MFAP5: variants seen among roughly 807,000 people sequenced by gnomAD.
MFAP5 encodes the protein microfibril associated protein 5.
MFAP5 carries 19 observed loss-of-function variants against 30.1 expected under a neutral mutation model. That is an observed-to-expected ratio of 0.63 (90% CI 0.44 to 0.93). The LOEUF (loss-of-function observed/expected upper bound fraction) is 0.93, where lower values mean the gene tolerates loss of function less well. Ranked by LOEUF, MFAP5 falls within the 40% of genes least tolerant of loss-of-function variation. The pLI, the probability that MFAP5 is intolerant of heterozygous loss-of-function variation, is 0.00. For synonymous variants in MFAP5, 92 were observed against 72.9 expected, an observed-to-expected ratio of 1.26 and a Z score of -1.33; for missense variants, 210 against 221.3, an observed-to-expected ratio of 0.95 and a Z score of 0.32.
At chr12:8,649,686 A>G in intron 8 of MFAP5, 112 bp from the exon 9 acceptor site, 1 of 758,770 alleles carries the variant, frequency 1.3e-6, no homozygotes, top group Non-Finnish European at 2.2e-6. Flanking sequence ...CACTTTCCCT[A>G]TCTGCTTTTC....
intron 8 of MFAP5, 199 bp downstream of exon 8, chr12:8,650,303 T>C (rs1402299105): frequency 8.8e-6 from 5 of 570,266 alleles, no homozygotes; most frequent in South Asian, 2.1e-5. Context: ...TTCTAAGTTC[T>C]ATTACTCTGC....
rs1942194474 is a variant in MFAP5, at chr12:8,662,760, C to G, written c.-136G>C. 6.6e-6 allele frequency: 1 copy of G among 152,312 alleles called. No individual in the cohort carries two copies. Among genetic ancestry groups the G allele is most frequent in the African/African-American group, 2.4e-5 (1 of 41,406 alleles). The allele number at this position is 152,312 out of a possible 1,614,324, so 9.4% of individuals were successfully genotyped here. A position where few individuals can be genotyped will look rare whatever the true frequency, so the allele number is the denominator to read the frequency against. ...CCCTGGAAAGGACTTCAGATTTGGC[C>G]TCCGCTGAAACAATGAGATGAGGGA... On this transcript the variant is annotated 5_prime_UTR_variant, in exon 1 of 10. Transcript: ENST00000359478.
chr12:8,661,211 C>G (rs1942141228), intron 2 of MFAP5, among the ~76,000 whole-genome samples: 1 of 152,202 alleles, frequency 6.6e-6, no homozygotes, highest in South Asian at 2.1e-4. Context: ...TGAAGTCCAG[C>G]TCCACTGAGA....
At chr12:8,656,668 A>ATATATTTTTTT (rs1174790172) in intron 3 of MFAP5, among the ~76,000 whole-genome samples, 1 of 118,802 alleles carries the variant, frequency 8.4e-6, no homozygotes, top group Non-Finnish European at 1.7e-5. Context: ...ATATATATAT[A>ATATATTTTTTT]TTTTTTTTTT....
intron 2 of MFAP5, among the ~76,000 whole-genome samples, chr12:8,661,275 A>G (rs949375015): frequency 6.6e-6 from 1 of 152,138 alleles, no homozygotes; most frequent in African/African-American, 2.4e-5. Flanking sequence ...GCTAGTGAAC[A>G]AGACAGAAGA....
At position 8,662,182 on chromosome 12, in the gene MFAP5, C is replaced by T. The variant is rs1364661525; in HGVS notation, c.-2-76G>A. The T allele has an allele frequency of 7.0e-5, 85 of 1,221,654 alleles. No individual in the cohort carries two copies. The Admixed American group carries it at 1.2e-3, about 18-fold the overall frequency. 75.7% of individuals were successfully genotyped at this position (1,221,654 alleles called of 1,614,324 possible). ...GCATTTCAGTGCCAGGGAAAGATGCCTCTGAGGTCCCTGTCTCTTTGTCTT... is the reference window on the plus strand; with the variant it reads ...GCATTTCAGTGCCAGGGAAAGATGCTTCTGAGGTCCCTGTCTCTTTGTCTT... On this transcript the variant is annotated intron_variant, in intron 1 of 9. Transcript: ENST00000359478.
rs754032531 is a variant in MFAP5 at position 8,655,769 on chromosome 12, AC to A, written c.139+16del. The A allele has an allele frequency of 7.3e-7, 1 of 1,376,466 alleles. No homozygotes were observed. Among genetic ancestry groups the A allele is most frequent in the Non-Finnish European group, 1.0e-6 (1 of 1,000,642 alleles). 85.3% of individuals were successfully genotyped at this position (1,376,466 alleles called of 1,614,324 possible). A position where few individuals can be genotyped will look rare whatever the true frequency, so the allele number is the denominator to read the frequency against. On this transcript the variant is annotated intron_variant, in intron 4 of 9. Coordinates refer to ENST00000359478, the MANE Select transcript of MFAP5 (RefSeq NM_003480.4). Reference sequence around the variant, plus strand: ...AATAAAACAGCAAACAAACAAACAAACAAAAGTGTAGCTTACTAGGATCTTC... The same window carrying A: ...AATAAAACAGCAAACAAACAAACAAAAAAAGTGTAGCTTACTAGGATCTTC...
At chr12:8,658,569 C>T (rs144538781) in intron 3 of MFAP5, 248 of 152,224 alleles carry the variant, frequency 1.6e-3, no homozygotes, top group African/African-American at 5.6e-3. Flanking sequence ...GAGCCTCTCC[C>T]GGGTGTAGCC....
In MFAP5 at chr12:8,658,304, C is replaced by A. The variant is rs766786226; in HGVS notation, c.95-2474G>T. Among the ~76,000 whole-genome samples the A allele has an allele frequency of 2.6e-5, 4 of 152,204 alleles. No homozygotes were observed. The East Asian group carries it at 7.7e-4, about 29-fold the overall frequency. The stretch of plus-strand genomic sequence containing the variant: ...GGCGGAGGTTGCAGTGAGCTGAGAT[C>A]TTGCCACTGCACTCCAGCCTGGGAC... On this transcript the variant is annotated intron_variant, in intron 3 of 9. Transcript: ENST00000359478.
chr12:8,660,106 A>G (rs1942105094), intron 3 of MFAP5, among the ~76,000 whole-genome samples: 1 of 152,192 alleles, frequency 6.6e-6, no homozygotes, highest in Non-Finnish European at 1.5e-5. Context: ...TTACCTAAAA[A>G]GCTGAAAAAC....
chr12:8,660,866 C>T lies in MFAP5; in HGVS notation c.91G>A (p.Gly31Arg), dbSNP rs752193471. The change falls in exon 3 of 10, where the codon GGA (glycine) becomes AGA (arginine). Residue 31 changes from glycine to arginine, a missense_variant. Transcript: ENST00000359478. ...WIPLGVNSQR[G>R]DDVTQATPET... is the part of the protein sequence containing the mutation. Reference sequence around the variant, plus strand: ...CGCTATCCAAGGGTTCACCTACCTCCTCGTTGACTATTGACCCCCAGGGGT... The same window carrying T: ...CGCTATCCAAGGGTTCACCTACCTCTTCGTTGACTATTGACCCCCAGGGGT... 8 of 1,612,444 alleles carry T rather than the reference C, an allele frequency of 5.0e-6. No individual in the cohort carries two copies. Among genetic ancestry groups the T allele is most frequent in the Non-Finnish European group, 6.8e-6 (8 of 1,178,768 alleles).
chr12:8,661,908 C>T (rs1036883781), intron 2 of MFAP5, 139 bp downstream of exon 2: 1 of 866,382 alleles, frequency 1.2e-6, no homozygotes. Context: ...AAAATCTGTT[C>T]TTCTAATAGG....
chr12:8,649,454 C>T (rs1941770411), intron 9 of MFAP5, 47 bp downstream of exon 9: 3 of 1,549,654 alleles, frequency 1.9e-6, no homozygotes. Context: ...CCTATCTACC[C>T]TTCTCATAAC....
intron 4 of MFAP5, 106 bp from the exon 5 acceptor site, chr12:8,655,553 T>G: frequency 8.2e-7 from 1 of 1,214,214 alleles, no homozygotes; most frequent in Non-Finnish European, 1.2e-6. Flanking sequence ...AAGGCTGAAG[T>G]GAAAGCCTGT....
At chr12:8,654,631 A>G (rs965127666) in intron 5 of MFAP5, 150 bp from the exon 6 acceptor site, 4 of 652,870 alleles carry the variant, frequency 6.1e-6, no homozygotes, top group African/African-American at 3.7e-5. Context: ...TTAATTAAAT[A>G]ATTATAAATT....
chr12:8,656,079 G>C (rs1029994012), intron 3 of MFAP5, among the ~76,000 whole-genome samples: 1 of 53,550 alleles, frequency 1.9e-5, no homozygotes, highest in Non-Finnish European at 3.8e-5. Context: ...TTTTTTTTTT[G>C]AGACGGAGTC....
At position 8,655,825 on chromosome 12, in the gene MFAP5, C is replaced by T; in HGVS notation, c.100G>A (p.Val34Met). Reference sequence around the variant, plus strand: ...AATGTTTCTGGAGTCGCTTGAGTCACATCGTCTGAAAAGAAAATTAGAAAA... The same window carrying T: ...AATGTTTCTGGAGTCGCTTGAGTCATATCGTCTGAAAAGAAAATTAGAAAA... The part of the protein sequence containing the change: ...LGVNSQRGDD[V>M]TQATPETFTE... Residue 34 changes from valine (V) to methionine (M), a missense_variant, in exon 4 of 10, where the codon GTG becomes ATG. By Grantham distance (21) the Val-to-Met change is conservative (BLOSUM62 1). Coordinates refer to ENST00000359478, the MANE Select transcript of MFAP5 (RefSeq NM_003480.4). 6.2e-7 allele frequency: 1 copy of T among 1,611,146 alleles called. No homozygotes were observed. The highest frequency in any genetic ancestry group is 1.1e-5 in the South Asian group (1 of 91,054).
intron 9 of MFAP5, among the ~76,000 whole-genome samples, chr12:8,648,737 A>G (rs1354801895): frequency 6.6e-6 from 1 of 152,212 alleles, no homozygotes; most frequent in Non-Finnish European, 1.5e-5. Flanking sequence ...GGGGGCACAC[A>G]GCAAGTTTCC....
In MFAP5 at chr12:8,655,828, C is replaced by A. The variant is rs377107030; in HGVS notation, c.97G>T (p.Asp33Tyr). Residue 33 changes from aspartate to tyrosine, a missense_variant and splice_region_variant, in exon 4 of 10, where the codon GAT becomes TAT. Asp to Tyr is a radical substitution (Grantham distance 160). Transcript: ENST00000359478. ...GTTTCTGGAGTCGCTTGAGTCACAT[C>A]GTCTGAAAAGAAAATTAGAAAACAA... The part of the protein sequence containing the change: ...PLGVNSQRGD[D>Y]VTQATPETFT... 3 of 1,606,012 alleles carry A rather than the reference C, an allele frequency of 1.9e-6. No homozygotes were observed. Among genetic ancestry groups the A allele is most frequent in the East Asian group, 4.5e-5 (2 of 44,610 alleles).
Sources: gnomAD v4.1 joint callset for allele counts (sites outside exome capture counted in the v4.1 genomes callset) on GRCh38, gnomAD v4.1.1 for gene constraint, MANE v1.5 for transcripts, NCBI Gene and HGNC (gene_info 2026-07-23, HGNC 2026-07-21) for gene names.